Variants in EEFSEC observed in about 807,000 individuals in gnomAD.
EEFSEC encodes eukaryotic elongation factor, selenocysteine-tRNA specific.
A neutral mutation model predicts 42.1 loss-of-function variants in EEFSEC; 43 were observed. The observed-to-expected ratio is 1.02, with a 90% confidence interval of 0.80 to 1.32. The LOEUF (loss-of-function observed/expected upper bound fraction) is 1.32, where lower values mean the gene tolerates loss of function less well. EEFSEC is among the 40% of genes most tolerant of loss of function. The pLI is 0.00. For synonymous variants in EEFSEC, 354 were observed against 339.1 expected (o/e 1.04, Z -0.48); for missense variants, 745 against 803.6 (o/e 0.93, Z 0.88).
intron 1 of EEFSEC, among the ~76,000 whole-genome samples, chr3:128,203,890 C>T (rs1028308149): frequency 6.6e-6 from 1 of 152,076 alleles, no homozygotes; most frequent in Non-Finnish European, 1.5e-5. Context: ...ATCAATAATC[C>T]CAGGAATTCT....
Position 128,385,536 on chromosome 3 carries a change from G to C in EEFSEC, c.1601-22533G>C, listed in dbSNP as rs112598731. On this transcript the variant is annotated intron_variant, in intron 6 of 6. Transcript: ENST00000254730. ...TGTGAGTGCGGCTGTGGCTTGCAGGGTGTCCTCCCACACACAGCTCAGTGA... is the reference window on the plus strand; with the variant it reads ...TGTGAGTGCGGCTGTGGCTTGCAGGCTGTCCTCCCACACACAGCTCAGTGA... Among the ~76,000 whole-genome samples the C allele has an allele frequency of 3.5e-3, 532 of 152,336 alleles. 1 individual carries two copies. The highest frequency in any genetic ancestry group is 0.012 in the African/African-American group (492 of 41,566).
At chr3:128,266,619 G>A (rs2066357047) in intron 4 of EEFSEC, among the ~76,000 whole-genome samples, 1 of 148,896 alleles carries the variant, frequency 6.7e-6, no homozygotes, top group Non-Finnish European at 1.5e-5. Context: ...TGGATCTAGT[G>A]GGAGGAGTCG....
intron 4 of EEFSEC, among the ~76,000 whole-genome samples, chr3:128,308,780 C>T (rs994837322): frequency 3.3e-5 from 5 of 152,116 alleles, no homozygotes; most frequent in Non-Finnish European, 5.9e-5. Flanking sequence ...TCCTTGGAAT[C>T]CAGTTTGGAA....
At chr3:128,319,408 G>A (rs956258881) in intron 4 of EEFSEC, among the ~76,000 whole-genome samples, 13 of 152,222 alleles carry the variant, frequency 8.5e-5, no homozygotes, top group Non-Finnish European at 1.5e-4. Flanking sequence ...GTGAGCGAGG[G>A]TGGCTCCATT....
At chr3:128,332,999 C>G (rs962568724) in intron 4 of EEFSEC, among the ~76,000 whole-genome samples, 1 of 152,202 alleles carries the variant, frequency 6.6e-6, no homozygotes, top group Non-Finnish European at 1.5e-5. Context: ...CCAGCCTGAA[C>G]CTCTTTGAAT....
At chr3:128,255,630 A>G (rs888459417) in intron 2 of EEFSEC, among the ~76,000 whole-genome samples, 3 of 152,340 alleles carry the variant, frequency 2.0e-5, no homozygotes, top group Non-Finnish European at 4.4e-5. Context: ...AGGGAAGGAG[A>G]CAGAAGTGAC....
chr3:128,327,907 G>A (rs2067083055), intron 4 of EEFSEC, among the ~76,000 whole-genome samples: 1 of 152,200 alleles, frequency 6.6e-6, no homozygotes, highest in African/African-American at 2.4e-5. Context: ...GTGTGAGGCA[G>A]GCGAACTCTG....
At chr3:128,263,893 C>T (rs1329461955) in intron 3 of EEFSEC, among the ~76,000 whole-genome samples, 1 of 152,184 alleles carries the variant, frequency 6.6e-6, no homozygotes, top group Non-Finnish European at 1.5e-5. Context: ...ATCCTTTCCT[C>T]CTCCCTCTCC....
chr3:128,384,496 G>A (rs1325216330), intron 6 of EEFSEC, among the ~76,000 whole-genome samples: 1 of 152,208 alleles, frequency 6.6e-6, no homozygotes, highest in African/African-American at 2.4e-5. Flanking sequence ...ATACACAGGT[G>A]GCATTGCCAG....
rs1010723047 is a variant in EEFSEC at position 128,342,030 on chromosome 3, A to G, written c.1443+141A>G. 2.5e-5 allele frequency: 30 copies of G among 1,208,296 alleles called. No individual in the cohort carries two copies. The African/African-American group carries it at 2.9e-4, about 12-fold the overall frequency. 74.8% of individuals were successfully genotyped at this position (1,208,296 alleles called of 1,614,324 possible). A position where few individuals can be genotyped will look rare whatever the true frequency, so the allele number is the denominator to read the frequency against. ...AACCTCTGTAGTTTCTGTACAAGGC[A>G]TCTGATGCCCAGAATGGTCAGGTGG... is the stretch of plus-strand genomic sequence containing the variant. On this transcript the variant is annotated intron_variant, in intron 5 of 6. Coordinates refer to ENST00000254730, the MANE Select transcript of EEFSEC (RefSeq NM_021937.5).
intron 6 of EEFSEC, among the ~76,000 whole-genome samples, chr3:128,371,856 G>A (rs1455707389): frequency 2.0e-5 from 3 of 152,192 alleles, no homozygotes; most frequent in African/African-American, 4.8e-5. Context: ...GCCGGGGCCC[G>A]GCGGCAGTGC....
At position 128,368,865 on chromosome 3, in the gene EEFSEC, C is replaced by G. The variant is rs560774440; in HGVS notation, c.1600+10492C>G. ...GTGCCGGAGTCCAGGCCTGAAAACC[C>G]AAGGGGCTGGGCCCCCTGAGCTCCA... is the stretch of plus-strand genomic sequence containing the variant. On this transcript the variant is annotated intron_variant, in intron 6 of 6. Transcript: ENST00000254730. Among the ~76,000 whole-genome samples, 161 of 152,372 alleles carry G rather than the reference C, an allele frequency of 1.1e-3. 6 individuals are homozygous for G. The South Asian group carries it at 0.033, about 31-fold the overall frequency.
At chr3:128,205,227 T>C (rs1195882587) in intron 1 of EEFSEC, among the ~76,000 whole-genome samples, 1 of 152,214 alleles carries the variant, frequency 6.6e-6, no homozygotes, top group Non-Finnish European at 1.5e-5. Context: ...CTGAACATTA[T>C]TGGACCCCTC....
At chr3:128,378,269 AC>A (rs2067732916) in intron 6 of EEFSEC, among the ~76,000 whole-genome samples, 1 of 152,148 alleles carries the variant, frequency 6.6e-6, no homozygotes, top group Admixed American at 6.5e-5. Flanking sequence ...TGAGTCACGA[AC>A]CCAGAGCCCA....
At chr3:128,220,343 C>T (rs148913596) in intron 1 of EEFSEC, among the ~76,000 whole-genome samples, 33 of 152,252 alleles carry the variant, frequency 2.2e-4, no homozygotes, top group African/African-American at 7.0e-4. Flanking sequence ...TTGAGTGCTC[C>T]GTCATGGTGT....
At chr3:128,285,202 G>A (rs1362952227) in intron 4 of EEFSEC, among the ~76,000 whole-genome samples, 2 of 152,150 alleles carry the variant, frequency 1.3e-5, no homozygotes, top group African/African-American at 2.4e-5. Context: ...GGTACTTCTG[G>A]GTTTCTGGCT....
At chr3:128,157,798 A>G (rs1255976403) in intron 1 of EEFSEC, among the ~76,000 whole-genome samples, 1 of 152,250 alleles carries the variant, frequency 6.6e-6, no homozygotes, top group Non-Finnish European at 1.5e-5. Context: ...ATTTGTTATC[A>G]TGCTTGCTAA....
chr3:128,371,214 C>T (rs2067649824), intron 6 of EEFSEC, among the ~76,000 whole-genome samples: 1 of 152,028 alleles, frequency 6.6e-6, no homozygotes, highest in Non-Finnish European at 1.5e-5. Flanking sequence ...ACCTCAAATC[C>T]AGCCCTGAGG....
At chr3:128,380,465 G>T (rs2067762534) in intron 6 of EEFSEC, among the ~76,000 whole-genome samples, 1 of 152,150 alleles carries the variant, frequency 6.6e-6, no homozygotes. Context: ...TATCTTGTTT[G>T]GGGGAAGTGA....
Sources: gnomAD v4.1 joint callset for allele counts (sites outside exome capture counted in the v4.1 genomes callset) on GRCh38, gnomAD v4.1.1 for gene constraint, MANE v1.5 for transcripts, NCBI Gene and HGNC (gene_info 2026-07-23, HGNC 2026-07-21) for gene names.